Variants in POT1 observed in about 807,000 individuals in gnomAD.
The protein encoded by POT1 is protection of telomeres protein 1.
Under a neutral mutation model 78.5 loss-of-function variants are expected in POT1, and 47 were observed. The ratio of observed to expected loss-of-function variants is 0.60; its 90% confidence interval spans 0.47 to 0.76. The LOEUF (loss-of-function observed/expected upper bound fraction) is 0.76. Ranked by LOEUF, POT1 falls within the 30% of genes least tolerant of loss-of-function variation. The probability of loss-of-function intolerance (pLI) is 0.00; values close to 1 mark genes in which losing one functional copy is unlikely to be tolerated. For missense variants in POT1, 646 were observed against 749.9 expected (o/e 0.86, Z 1.62); for synonymous variants, 259 against 260.7 (o/e 0.99, Z 0.06).
chr7:124,926,256 T>A (rs1563026677), intron 2 of POT1, among the ~76,000 whole-genome samples: 1 of 151,898 alleles, frequency 6.6e-6, no homozygotes, highest in African/African-American at 2.4e-5. Context: ...AACCCCCAAA[T>A]AAGCCCATTA....
chr7:124,831,533 T>A (rs996345214), intron 15 of POT1, among the ~76,000 whole-genome samples: 15 of 151,168 alleles, frequency 9.9e-5, no homozygotes, highest in South Asian at 2.1e-4. Context: ...TCATATAATT[T>A]AAAAAAAAAC....
At chr7:124,832,373 T>C (rs1794788502) in intron 15 of POT1, among the ~76,000 whole-genome samples, 1 of 152,044 alleles carries the variant, frequency 6.6e-6, no homozygotes, top group Non-Finnish European at 1.5e-5. Context: ...AAGTTAAAAT[T>C]ATTTCATAAC....
At chr7:124,826,910 T>C (rs1174301396) in intron 17 of POT1, among the ~76,000 whole-genome samples, 2 of 148,514 alleles carry the variant, frequency 1.3e-5, no homozygotes, top group African/African-American at 2.5e-5. Context: ...AAAAGTACGA[T>C]AAAATGTTGA....
rs974132941 is a variant in POT1 at position 124,871,010 on chromosome 7, C to T, written c.156G>A (p.Gln52=). ...DYCSVVTIVD[Q]TNVKLTCLLF... The stretch of plus-strand genomic sequence containing the variant: ...GCAGGCAAGTTAGTTTTACATTTGT[C>T]TGGTCCACAATAGTTACAACTGAGC... Residue 52 remains glutamine (Q), a synonymous_variant, in exon 7 of 19, where the codon CAG becomes CAA. Transcript: ENST00000357628. 6.2e-7 allele frequency: 1 copy of T among 1,608,924 alleles called. No homozygotes were observed. The highest frequency in any genetic ancestry group is 1.3e-5 in the African/African-American group (1 of 74,760).
At chr7:124,910,213 G>C (rs1796858563) in intron 3 of POT1, among the ~76,000 whole-genome samples, 1 of 151,852 alleles carries the variant, frequency 6.6e-6, no homozygotes, top group Non-Finnish European at 1.5e-5. Context: ...TCAGTTTATA[G>C]CCTGCCATAC....
chr7:124,873,418 T>G (rs1795916036), intron 6 of POT1, among the ~76,000 whole-genome samples: 1 of 152,232 alleles, frequency 6.6e-6, no homozygotes, highest in Non-Finnish European at 1.5e-5. Context: ...TTTGCATATG[T>G]GGAACCACCC....
At position 124,823,942 on chromosome 7, in the gene POT1, T is replaced by G; in HGVS notation, c.*20A>C. ...AAGGTGAGTGGCAACATTTTATGTA[T>G]GCTAAATTGGATGGCAATATTAGAT... On this transcript the variant is annotated 3_prime_UTR_variant, in exon 19 of 19. Transcript: ENST00000357628. The G allele has an allele frequency of 6.8e-7, 1 of 1,463,980 alleles. No individual in the cohort carries two copies. The highest frequency in any genetic ancestry group is 9.5e-7 in the Non-Finnish European group (1 of 1,048,320). 90.7% of individuals were successfully genotyped at this position (1,463,980 alleles called of 1,614,324 possible). A position where few individuals can be genotyped will look rare whatever the true frequency, so the allele number is the denominator to read the frequency against.
intron 12 of POT1, among the ~76,000 whole-genome samples, chr7:124,843,942 T>G (rs1795093719): frequency 6.6e-6 from 1 of 152,154 alleles, no homozygotes; most frequent in South Asian, 2.1e-4. Context: ...TTCAAGTAAT[T>G]ACACCTCTTT....
At chr7:124,914,510 G>T (rs920097069) in intron 3 of POT1, among the ~76,000 whole-genome samples, 1 of 151,952 alleles carries the variant, frequency 6.6e-6, no homozygotes, top group Non-Finnish European at 1.5e-5. Flanking sequence ...ACCAAAAAAA[G>T]AAAAAAGAAT....
intron 6 of POT1, among the ~76,000 whole-genome samples, chr7:124,879,904 T>C (rs1796078787): frequency 6.6e-6 from 1 of 152,106 alleles, no homozygotes. Flanking sequence ...CAGTACATCA[T>C]TTATGTTATG....
chr7:124,866,113 G>A (rs1795717029), intron 7 of POT1, among the ~76,000 whole-genome samples: 1 of 152,064 alleles, frequency 6.6e-6, no homozygotes, highest in Admixed American at 6.6e-5. Context: ...ACTCATGAAT[G>A]CTTGTTTTTA....
At chr7:124,876,396 T>C (rs1384092949) in intron 6 of POT1, among the ~76,000 whole-genome samples, 1 of 152,080 alleles carries the variant, frequency 6.6e-6, no homozygotes, top group Non-Finnish European at 1.5e-5. Context: ...TATGCTTAGG[T>C]GTCAAAAAAC....
intron 1 of POT1, among the ~76,000 whole-genome samples, chr7:124,929,261 C>T (rs191554553): frequency 6.6e-6 from 1 of 152,202 alleles, no homozygotes; most frequent in Non-Finnish European, 1.5e-5. Context: ...CACTAACAAA[C>T]GCTTTTAACA....
At chr7:124,908,916 C>T (rs1370281230) in intron 3 of POT1, among the ~76,000 whole-genome samples, 1 of 151,740 alleles carries the variant, frequency 6.6e-6, no homozygotes, top group Non-Finnish European at 1.5e-5. Flanking sequence ...TTAAAAGGAC[C>T]TTAGAGACCA....
At chr7:124,825,588 TTAA>T (rs1431882956) in intron 17 of POT1, among the ~76,000 whole-genome samples, 1 of 152,098 alleles carries the variant, frequency 6.6e-6, no homozygotes, top group Non-Finnish European at 1.5e-5. Context: ...TTGCTCTGAT[TTAA>T]TAATGATGAT....
chr7:124,834,133 A>G (rs1386182130), intron 15 of POT1, among the ~76,000 whole-genome samples: 1 of 152,030 alleles, frequency 6.6e-6, no homozygotes, highest in Non-Finnish European at 1.5e-5. Context: ...TAAATGTAAG[A>G]CCTAAAACCA....
At chr7:124,875,231 T>C (rs1382709978) in intron 6 of POT1, among the ~76,000 whole-genome samples, 3 of 152,176 alleles carry the variant, frequency 2.0e-5, no homozygotes, top group Non-Finnish European at 2.9e-5. Flanking sequence ...ATATCTGACA[T>C]ACATTATGGG....
intron 2 of POT1, among the ~76,000 whole-genome samples, chr7:124,919,952 C>G (rs1406112747): frequency 6.8e-6 from 1 of 147,428 alleles, no homozygotes; most frequent in East Asian, 2.0e-4. Context: ...AGTTCATGTT[C>G]CCTGCTGTGC....
chr7:124,889,133 A>C (rs1224652068), intron 6 of POT1, among the ~76,000 whole-genome samples: 1 of 152,048 alleles, frequency 6.6e-6, no homozygotes, highest in Non-Finnish European at 1.5e-5. Flanking sequence ...AAAGCTCCTG[A>C]AGGAAATTAA....
Sources: gnomAD v4.1 joint callset for allele counts (sites outside exome capture counted in the v4.1 genomes callset) on GRCh38, gnomAD v4.1.1 for gene constraint, MANE v1.5 for transcripts, NCBI Gene and HGNC (gene_info 2026-07-23, HGNC 2026-07-21) for gene names.